The following PFKP variants were observed in gnomAD, a reference collection of about 807,000 sequenced individuals.
PFKP encodes the protein phosphofructokinase, platelet, also known as ATP-dependent 6-phosphofructokinase, platelet type.
PFKP carries 101 observed loss-of-function variants against 94.3 expected under a neutral mutation model. The observed-to-expected ratio is 1.07, with a 90% CI of 0.91 to 1.26. The LOEUF (loss-of-function observed/expected upper bound fraction) is 1.26. Ranked by LOEUF, PFKP falls within the 50% of genes most tolerant of loss-of-function variation. The pLI is 0.00. For synonymous variants in PFKP, 573 were observed against 432.6 expected (o/e 1.32, Z -4.03); for missense variants, 1,145 against 1,103.3 (o/e 1.04, Z -0.53).
At chr10:3,083,657 T>A (rs1269014508) in intron 2 of PFKP, among the ~76,000 whole-genome samples, 8 of 149,880 alleles carry the variant, frequency 5.3e-5, no homozygotes, top group South Asian at 2.1e-4. Flanking sequence ...ATTTTATTTT[T>A]TTTGAGAAAA....
At chr10:3,130,150 C>T (rs1020745054) in intron 17 of PFKP, among the ~76,000 whole-genome samples, 167 bp downstream of exon 17, 3 of 152,202 alleles carry the variant, frequency 2.0e-5, no homozygotes, top group Non-Finnish European at 2.9e-5. Flanking sequence ...GCCCCTACTG[C>T]GTGTCAGGTG....
intron 8 of PFKP, chr10:3,108,056 T>G (rs1835810588): frequency 8.0e-7 from 1 of 1,257,714 alleles, no homozygotes; most frequent in Admixed American, 2.3e-5. Flanking sequence ...GATGGACACC[T>G]GGGAAAGACA....
At chr10:3,126,001 G>C (rs1037545661) in intron 16 of PFKP, among the ~76,000 whole-genome samples, 1 of 152,200 alleles carries the variant, frequency 6.6e-6, no homozygotes, top group Non-Finnish European at 1.5e-5. Flanking sequence ...ACTGCTGGCC[G>C]GGGTAGGCCT....
chr10:3,111,936 G>T (rs911664673), intron 10 of PFKP, among the ~76,000 whole-genome samples: 1 of 152,288 alleles, frequency 6.6e-6, no homozygotes, highest in South Asian at 2.1e-4. Context: ...TCACAGTGTT[G>T]TGTCCACAAA....
In PFKP at chr10:3,136,689, C is replaced by CT; in HGVS notation, c.*110_*111insT. The stretch of plus-strand genomic sequence containing the variant: ...CGTATTATTGACATTAATACCTAAT[C>CT]GGCGAGTGCCCATCTGCCCCACCTG... On this transcript the variant is annotated 3_prime_UTR_variant, in exon 22 of 22. Transcript: ENST00000381125. 14 of 1,212,348 alleles carry CT rather than the reference C, an allele frequency of 1.2e-5. No individual in the cohort carries two copies. Among genetic ancestry groups the CT allele is most frequent in the Non-Finnish European group, 1.6e-5 (14 of 864,146 alleles). The allele number at this position is 1,212,348 out of a possible 1,614,324, so 75.1% of individuals were successfully genotyped here. A position where few individuals can be genotyped will look rare whatever the true frequency, so the allele number is the denominator to read the frequency against.
chr10:3,120,092 C>G (rs763666875), intron 16 of PFKP, 48 bp downstream of exon 16: 3 of 1,583,898 alleles, frequency 1.9e-6, no homozygotes, highest in Non-Finnish European at 2.6e-6. Flanking sequence ...GACGCTAACC[C>G]CGGGGCCCCG....
intron 1 of PFKP, among the ~76,000 whole-genome samples, chr10:3,073,936 C>G (rs1832390818): frequency 6.6e-6 from 1 of 152,134 alleles, no homozygotes; most frequent in African/African-American, 2.4e-5. Flanking sequence ...CTCCTGAGTT[C>G]AAGCGATTTT....
chr10:3,068,988 G>T (rs113685462), intron 1 of PFKP, among the ~76,000 whole-genome samples: 3 of 151,694 alleles, frequency 2.0e-5, no homozygotes, highest in African/African-American at 7.2e-5. Flanking sequence ...GAGCGCGCGG[G>T]GCGGGCGCGG....
At chr10:3,102,820 T>C (rs1004846414) in intron 4 of PFKP, among the ~76,000 whole-genome samples, 1 of 152,176 alleles carries the variant, frequency 6.6e-6, no homozygotes, top group African/African-American at 2.4e-5. Flanking sequence ...TGTCCCCAGG[T>C]TTGTGAACAT....
intron 16 of PFKP, among the ~76,000 whole-genome samples, chr10:3,123,113 T>C (rs528635828): frequency 4.6e-5 from 7 of 152,276 alleles, no homozygotes; most frequent in Admixed American, 1.3e-4. Context: ...TGAGTGGTCC[T>C]CCGGGCAGAG....
chr10:3,103,772 C>G lies in PFKP; in HGVS notation c.455-7C>G, dbSNP rs191308826. On this transcript the variant is annotated splice_region_variant and splice_polypyrimidine_tract_variant and intron_variant, in intron 4 of 21. Transcript: ENST00000381125. ...GCGATGAGACGTGCTGTTTGCTCCC[C>G]GCGCAGGCCAGATCGATAAGGAGGC... 6.2e-7 allele frequency: 1 copy of G among 1,613,602 alleles called. No individual in the cohort carries two copies. The highest frequency in any genetic ancestry group is 8.5e-7 in the Non-Finnish European group (1 of 1,179,940).
chr10:3,135,844 T>C lies in PFKP; in HGVS notation c.2225+6T>C. On this transcript the variant is annotated splice_donor_region_variant and intron_variant, in intron 21 of 21. Transcript: ENST00000381125. ...AAGAAGCAAACGGATTTTGAGTAAG[T>C]TGGCTGGGTTCCCTGAGGCAATAAG... 1 of 1,585,722 alleles carries C rather than the reference T, an allele frequency of 6.3e-7. No homozygotes were observed. Among genetic ancestry groups the C allele is most frequent in the Non-Finnish European group, 8.7e-7 (1 of 1,154,426 alleles).
intron 20 of PFKP, 28 bp downstream of exon 20, chr10:3,134,610 GC>G: frequency 7.1e-7 from 1 of 1,405,560 alleles, no homozygotes; most frequent in Non-Finnish European, 1.0e-6. Flanking sequence ...GGAGGCCACA[GC>G]CTCGTGATGC....
At chr10:3,073,426 C>G (rs1205719527) in intron 1 of PFKP, among the ~76,000 whole-genome samples, 1 of 151,928 alleles carries the variant, frequency 6.6e-6, no homozygotes, top group African/African-American at 2.4e-5. Context: ...CCAGAGATGC[C>G]TAGGGGAGCC....
chr10:3,100,882 A>AAAAAAAAAAAC, intron 3 of PFKP: 1 of 1,125,614 alleles, frequency 8.9e-7, no homozygotes, highest in Admixed American at 2.1e-5. Flanking sequence ...AAAAAAAAAA[A>AAAAAAAAAAAC]TCCCCCTGGC....
intron 3 of PFKP, among the ~76,000 whole-genome samples, chr10:3,099,632 T>C (rs1834787965): frequency 6.6e-6 from 1 of 152,232 alleles, no homozygotes; most frequent in Non-Finnish European, 1.5e-5. Context: ...AGGCTCTCTC[T>C]GCATTGGGCG....
In PFKP at chr10:3,100,862, C is replaced by CAAAAAA. The variant is rs71294492; in HGVS notation, c.265-488_265-483dup. 274 of 656,954 alleles carry CAAAAAA rather than the reference C, an allele frequency of 4.2e-4. 1 individual carries two copies. Among genetic ancestry groups the CAAAAAA allele is most frequent in the Middle Eastern group, 8.4e-4 (2 of 2,388 alleles). The allele number at this position is 656,954 out of a possible 1,614,324, so 40.7% of individuals were successfully genotyped here. ...TAAAAGGGGCAGCGAGTATGTGGTG[C>CAAAAAA]AAAAAAAAAAAAAAAAAAAATCCCC... On this transcript the variant is annotated intron_variant, in intron 3 of 21. Transcript: ENST00000381125.
In PFKP at chr10:3,134,521, C is replaced by T; in HGVS notation, c.2061C>T (p.Thr687=). The T allele has an allele frequency of 6.2e-7, 1 of 1,614,032 alleles. No homozygotes were observed. Among genetic ancestry groups the T allele is most frequent in the Non-Finnish European group, 8.5e-7 (1 of 1,179,916 alleles). Residue 687 remains threonine, a synonymous_variant, in exon 20 of 22, where the codon ACC becomes ACT. Coordinates refer to ENST00000381125, the MANE Select transcript of PFKP (RefSeq NM_002627.5). ...CTCCATTTGATAGAAACTTTGGAAC[C>T]AAAATCTCTGCCAGAGCTATGGAGT... ...APSPFDRNFG[T]KISARAMEWI...
chr10:3,124,902 C>G (rs548975598), intron 16 of PFKP, among the ~76,000 whole-genome samples: 1 of 152,308 alleles, frequency 6.6e-6, no homozygotes, highest in South Asian at 2.1e-4. Flanking sequence ...TGTGCCCAGG[C>G]GGCCCCCTGT....
Sources: allele counts gnomAD v4.1 joint callset (sites outside exome capture counted in the v4.1 genomes callset), GRCh38; gene constraint gnomAD v4.1.1; transcripts MANE v1.5; gene names NCBI Gene and HGNC (gene_info 2026-07-23, HGNC 2026-07-21).